The following KAT2B variants were observed in gnomAD, a reference collection of about 807,000 sequenced individuals.
KAT2B encodes the protein histone acetyltransferase KAT2B.
KAT2B carries 36 observed loss-of-function variants against 105.9 expected under a neutral mutation model. That is an observed-to-expected ratio of 0.34 (90% confidence interval 0.26 to 0.45). The LOEUF (loss-of-function observed/expected upper bound fraction) is 0.45, where lower values mean the gene tolerates loss of function less well. KAT2B is among the 20% of genes least tolerant of loss of function. The probability of loss-of-function intolerance (pLI) is 1.00; values close to 1 mark genes in which losing one functional copy is unlikely to be tolerated. For synonymous variants in KAT2B, 397 were observed against 377.9 expected, an observed-to-expected ratio of 1.05 and a Z score of -0.59; for missense variants, 820 against 1,021.6, an observed-to-expected ratio of 0.80 and a Z score of 2.69.
intron 17 of KAT2B, among the ~76,000 whole-genome samples, chr3:20,149,641 A>G (rs1699838176): frequency 6.6e-6 from 1 of 151,922 alleles, no homozygotes; most frequent in Non-Finnish European, 1.5e-5. Flanking sequence ...TATTTTATAT[A>G]TTTGTAGTAA....
intron 7 of KAT2B, among the ~76,000 whole-genome samples, chr3:20,117,709 A>G (rs1699231148): frequency 6.6e-6 from 1 of 152,144 alleles, no homozygotes; most frequent in Non-Finnish European, 1.5e-5. Flanking sequence ...GTTGAAACGT[A>G]GATGAACGTT....
At chr3:20,111,029 G>C (rs1028382025) in intron 5 of KAT2B, among the ~76,000 whole-genome samples, 1 of 152,190 alleles carries the variant, frequency 6.6e-6, no homozygotes, top group African/African-American at 2.4e-5. Context: ...TAAGTGCTGT[G>C]TAGGCATTTT....
chr3:20,066,430 C>T (rs1225366752), intron 1 of KAT2B, among the ~76,000 whole-genome samples: 3 of 152,072 alleles, frequency 2.0e-5, no homozygotes, highest in South Asian at 2.1e-4. Flanking sequence ...GAGACAGTCT[C>T]ACTCTGTCAC....
At chr3:20,116,295 C>A (rs1159774283) in intron 7 of KAT2B, among the ~76,000 whole-genome samples, 1 of 152,160 alleles carries the variant, frequency 6.6e-6, no homozygotes. Flanking sequence ...TCTCACCTAA[C>A]TTTCAAATGG....
intron 9 of KAT2B, 101 bp from the exon 10 acceptor site, chr3:20,125,804 T>A: frequency 2.1e-6 from 2 of 935,120 alleles, no homozygotes; most frequent in South Asian, 2.9e-5. Context: ...TCCACAAATG[T>A]GTATCTTATT....
At position 20,119,604 on chromosome 3, in the gene KAT2B, A is replaced by T. The variant is rs17006625; in HGVS notation, c.1157A>T (p.Asn386Ile). The change falls in exon 8 of 18, where the codon AAT becomes ATT. Residue 386 changes from asparagine to isoleucine, a missense_variant. Transcript: ENST00000263754. ...TSQLGIQTVI[N>I]PPPVAGTISY... is the part of the protein sequence containing the mutation. Reference sequence around the variant, plus strand: ...TCTCCTTTTGCCGGGGCAGTTATCAATCCACCTCCTGTGGCTGGGACAATT... The same window carrying T: ...TCTCCTTTTGCCGGGGCAGTTATCATTCCACCTCCTGTGGCTGGGACAATT... The T allele has an allele frequency of 6.2e-7, 1 of 1,614,026 alleles. No individual in the cohort carries two copies. The highest frequency in any genetic ancestry group is 8.5e-7 in the Non-Finnish European group (1 of 1,179,940).
chr3:20,048,479 C>T (rs537650387), intron 1 of KAT2B, among the ~76,000 whole-genome samples: 24 of 152,208 alleles, frequency 1.6e-4, no homozygotes, highest in African/African-American at 3.9e-4. Flanking sequence ...CCAGTTGCCT[C>T]GGTGTTAGCC....
At chr3:20,077,372 A>T (rs2125184465) in intron 2 of KAT2B, among the ~76,000 whole-genome samples, 1 of 152,310 alleles carries the variant, frequency 6.6e-6, no homozygotes, top group Admixed American at 6.5e-5. Context: ...AAAGAATTCT[A>T]GCTTGGCCCT....
chr3:20,132,934 T>TCATC (rs1195727835), intron 11 of KAT2B, among the ~76,000 whole-genome samples: 3 of 152,180 alleles, frequency 2.0e-5, no homozygotes, highest in Non-Finnish European at 4.4e-5. Flanking sequence ...TGAATTTCAT[T>TCATC]AGAAGACACA....
chr3:20,049,266 A>G (rs1697872182), intron 1 of KAT2B, among the ~76,000 whole-genome samples: 3 of 152,184 alleles, frequency 2.0e-5, no homozygotes, highest in African/African-American at 7.2e-5. Flanking sequence ...GGATATATGA[A>G]AGTTCTTGGA....
chr3:20,102,270 C>T (rs914523559), intron 5 of KAT2B, among the ~76,000 whole-genome samples: 2 of 151,874 alleles, frequency 1.3e-5, no homozygotes, highest in African/African-American at 2.4e-5. Context: ...GAACTGAGAT[C>T]GTGCACTCTG....
chr3:20,112,891 A>C (rs1699145945), intron 6 of KAT2B, among the ~76,000 whole-genome samples: 1 of 152,272 alleles, frequency 6.6e-6, no homozygotes, highest in Non-Finnish European at 1.5e-5. Context: ...GGTTCAAAAC[A>C]ACAAAAATAA....
chr3:20,080,273 G>A (rs749449236), intron 2 of KAT2B, among the ~76,000 whole-genome samples: 7 of 152,124 alleles, frequency 4.6e-5, no homozygotes, highest in Middle Eastern at 3.4e-3. Flanking sequence ...TTGCATTTTG[G>A]CCATCAGGCT....
chr3:20,079,616 C>G (rs1395657270), intron 2 of KAT2B, among the ~76,000 whole-genome samples: 1 of 152,162 alleles, frequency 6.6e-6, no homozygotes, highest in Non-Finnish European at 1.5e-5. Context: ...ATGGATATTT[C>G]AAGTATTTAA....
intron 11 of KAT2B, among the ~76,000 whole-genome samples, chr3:20,131,176 C>T (rs1041107772): frequency 7.3e-5 from 11 of 151,644 alleles, no homozygotes; most frequent in East Asian, 3.9e-4. Flanking sequence ...CCACCATGCC[C>T]GGCTAATTTT....
chr3:20,054,378 C>T (rs760371103), intron 1 of KAT2B, among the ~76,000 whole-genome samples: 35 of 152,126 alleles, frequency 2.3e-4, no homozygotes, highest in Non-Finnish European at 4.7e-4. Flanking sequence ...CCACCCTCAT[C>T]GGCCTTCCAA....
chr3:20,130,526 G>A (rs3811673), intron 11 of KAT2B, among the ~76,000 whole-genome samples: 52,329 of 152,022 alleles, frequency 0.34, 9,804 homozygotes, highest in East Asian at 0.75. Flanking sequence ...AAAAGATGGC[G>A]TAATTTTTAT....
intron 7 of KAT2B, among the ~76,000 whole-genome samples, chr3:20,115,479 C>A (rs1315660834): frequency 6.6e-6 from 1 of 152,092 alleles, no homozygotes; most frequent in Non-Finnish European, 1.5e-5. Flanking sequence ...TTATATCTGG[C>A]CATGGGGAAA....
chr3:20,060,555 C>T (rs1698083066), intron 1 of KAT2B, among the ~76,000 whole-genome samples: 2 of 152,008 alleles, frequency 1.3e-5, no homozygotes, highest in South Asian at 4.1e-4. Flanking sequence ...GAGCTGAGAT[C>T]ACGCCATTGC....
Sources: allele counts gnomAD v4.1 joint callset (sites outside exome capture counted in the v4.1 genomes callset), GRCh38; gene constraint gnomAD v4.1.1; transcripts MANE v1.5; gene names NCBI Gene and HGNC (gene_info 2026-07-23, HGNC 2026-07-21).